The following OLFM3 variants were observed in gnomAD, a reference collection of about 807,000 sequenced individuals.
OLFM3 encodes the protein noelin-3.
A neutral mutation model predicts 48.6 loss-of-function variants in OLFM3; 20 were observed. The ratio of observed to expected loss-of-function variants is 0.41; its 90% CI spans 0.29 to 0.60. The LOEUF (loss-of-function observed/expected upper bound fraction) is 0.60. OLFM3 is among the 20% of genes least tolerant of loss of function. OLFM3 has a pLI of 0.28. For missense variants in OLFM3, 437 were observed against 544.3 expected, an observed-to-expected ratio of 0.80 and a Z score of 1.96; for synonymous variants, 222 against 198.1, an observed-to-expected ratio of 1.12 and a Z score of -1.01.
chr1:101,936,645 C>T (rs1011478470), intron 1 of OLFM3, among the ~76,000 whole-genome samples: 1 of 152,016 alleles, frequency 6.6e-6, no homozygotes, highest in Admixed American at 6.6e-5. Flanking sequence ...ACCTTGAATA[C>T]CCATGGCAAT....
intron 1 of OLFM3, among the ~76,000 whole-genome samples, chr1:101,881,454 G>T (rs1657522235): frequency 6.6e-6 from 1 of 151,682 alleles, no homozygotes. Context: ...AAATGTTCAG[G>T]AAAAGCATTG....
intron 1 of OLFM3, among the ~76,000 whole-genome samples, chr1:101,840,757 A>G (rs1250067565): frequency 6.6e-6 from 1 of 152,068 alleles, no homozygotes; most frequent in Non-Finnish European, 1.5e-5. Context: ...TAACCACCAC[A>G]CTACACCATC....
chr1:101,918,874 C>T (rs1376019592), intron 1 of OLFM3, among the ~76,000 whole-genome samples: 1 of 152,024 alleles, frequency 6.6e-6, no homozygotes, highest in Non-Finnish European at 1.5e-5. Context: ...CATATTAAAA[C>T]ATTTAAATAT....
At chr1:101,911,706 C>T (rs1451536312) in intron 1 of OLFM3, among the ~76,000 whole-genome samples, 2 of 152,068 alleles carry the variant, frequency 1.3e-5, no homozygotes, top group Admixed American at 6.6e-5. Context: ...ATGTAATTTC[C>T]CAATTCTCAG....
chr1:101,855,544 G>T (rs1414745314), intron 1 of OLFM3, among the ~76,000 whole-genome samples: 2 of 152,020 alleles, frequency 1.3e-5, no homozygotes, highest in Non-Finnish European at 2.9e-5. Context: ...AGCATTATAG[G>T]TTAGTTATTT....
intron 1 of OLFM3, among the ~76,000 whole-genome samples, chr1:101,866,456 A>G (rs2100970370): frequency 6.6e-6 from 1 of 152,134 alleles, no homozygotes; most frequent in Non-Finnish European, 1.5e-5. Flanking sequence ...ATCTTTTTTT[A>G]GCTTCAGTGA....
chr1:101,938,043 T>G (rs1378349092), intron 1 of OLFM3, among the ~76,000 whole-genome samples: 1 of 152,230 alleles, frequency 6.6e-6, no homozygotes, highest in Non-Finnish European at 1.5e-5. Flanking sequence ...TATTGCATGA[T>G]GCTCTTCTTG....
chr1:101,897,776 A>G (rs1252799373), intron 1 of OLFM3, among the ~76,000 whole-genome samples: 1 of 152,176 alleles, frequency 6.6e-6, no homozygotes, highest in African/African-American at 2.4e-5. Context: ...ATTGCTGAGG[A>G]TATTGATTAA....
intron 1 of OLFM3, among the ~76,000 whole-genome samples, chr1:101,985,211 A>T (rs997789572): frequency 6.6e-6 from 1 of 152,144 alleles, no homozygotes; most frequent in African/African-American, 2.4e-5. Flanking sequence ...GACCATTTTG[A>T]TTATACTGAG....
intron 4 of OLFM3, among the ~76,000 whole-genome samples, chr1:101,820,844 A>C (rs1654577157): frequency 6.6e-6 from 1 of 152,080 alleles, no homozygotes; most frequent in Non-Finnish European, 1.5e-5. Context: ...CATTGTTGTA[A>C]TTTTATTGTT....
rs35047632 is a variant in OLFM3 at position 101,895,412 on chromosome 1, T to TACACACAC, written c.70-58395_70-58388dup. Among the ~76,000 whole-genome samples the TACACACAC allele has an allele frequency of 9.7e-3, 1,401 of 144,180 alleles. 10 individuals are homozygous for TACACACAC. Among genetic ancestry groups the TACACACAC allele is most frequent in the South Asian group, 0.023 (101 of 4,476 alleles). The allele number at this position is 144,180 out of a possible 152,430, so 94.6% of individuals were successfully genotyped here. A position where few individuals can be genotyped will look rare whatever the true frequency, so the allele number is the denominator to read the frequency against. ...ATTCTACCTTGGTAAAGCTCAAGAA[T>TACACACAC]ACACACACACACACACACACACACA... On this transcript the variant is annotated intron_variant, in intron 1 of 5. Transcript: ENST00000370103.
intron 1 of OLFM3, among the ~76,000 whole-genome samples, chr1:101,921,732 A>G (rs1659101146): frequency 6.6e-6 from 1 of 152,220 alleles, no homozygotes; most frequent in Non-Finnish European, 1.5e-5. Flanking sequence ...CTCTGTATGA[A>G]CTGATGAGAA....
At position 101,837,043 on chromosome 1, in the gene OLFM3, A is replaced by G; in HGVS notation, c.70-18T>C. On this transcript the variant is annotated intron_variant, in intron 1 of 5. Transcript: ENST00000370103. ...ATCTGAGTCTGAGGAAACCAAAGGG[A>G]AACATAAAACACAGACTCCTGTTAT... The G allele has an allele frequency of 6.2e-7, 1 of 1,607,414 alleles. No homozygotes were observed. Among genetic ancestry groups the G allele is most frequent in the Non-Finnish European group, 8.5e-7 (1 of 1,176,530 alleles).
intron 1 of OLFM3, among the ~76,000 whole-genome samples, chr1:101,887,019 G>C (rs1024869270): frequency 2.0e-5 from 3 of 151,898 alleles, no homozygotes; most frequent in African/African-American, 7.2e-5. Context: ...TTTGCTATTA[G>C]AACAATTAGC....
intron 1 of OLFM3, among the ~76,000 whole-genome samples, chr1:101,982,062 T>C (rs1661119659): frequency 6.6e-6 from 1 of 152,182 alleles, no homozygotes; most frequent in Non-Finnish European, 1.5e-5. Flanking sequence ...TTATGCTAAA[T>C]TGAAGGCCAG....
chr1:101,812,612 T>C, intron 4 of OLFM3: 1 of 985,676 alleles, frequency 1.0e-6, no homozygotes, highest in Middle Eastern at 5.2e-4. Context: ...CCACAGCACA[T>C]CACTGGCTTG....
chr1:101,842,885 A>G (rs1441690112), intron 1 of OLFM3, among the ~76,000 whole-genome samples: 3 of 152,210 alleles, frequency 2.0e-5, no homozygotes, highest in Non-Finnish European at 4.4e-5. Context: ...TAAGAAAGCA[A>G]TGATCATATT....
At chr1:101,931,827 G>A (rs1659452780) in intron 1 of OLFM3, among the ~76,000 whole-genome samples, 1 of 152,140 alleles carries the variant, frequency 6.6e-6, no homozygotes, top group Admixed American at 6.5e-5. Flanking sequence ...GAATCTTTCT[G>A]TAGCTTTGTG....
chr1:101,892,683 G>A (rs1249700776), intron 1 of OLFM3, among the ~76,000 whole-genome samples: 1 of 151,692 alleles, frequency 6.6e-6, no homozygotes, highest in Non-Finnish European at 1.5e-5. Context: ...TTTAAAAATG[G>A]TGAAAAATTT....
Sources: gnomAD v4.1 joint callset for allele counts (sites outside exome capture counted in the v4.1 genomes callset) on GRCh38, gnomAD v4.1.1 for gene constraint, MANE v1.5 for transcripts, NCBI Gene and HGNC (gene_info 2026-07-23, HGNC 2026-07-21) for gene names.